INVS: variants seen among roughly 807,000 people sequenced by gnomAD.
INVS encodes the protein inversion of embryo turning homolog.
In INVS, 86 loss-of-function variants were observed where a neutral mutation model predicts 108.8. That is an observed-to-expected ratio of 0.79 (90% CI 0.66 to 0.95). INVS has a LOEUF of 0.95. Among genes scored for constraint, INVS ranks in the 40% least tolerant of loss-of-function variants. The probability of loss-of-function intolerance (pLI) is 0.00; values close to 1 mark genes in which losing one functional copy is unlikely to be tolerated. For missense variants in INVS, 1,169 were observed against 1,297.4 expected, an observed-to-expected ratio of 0.90 and a Z score of 1.52; for synonymous variants, 455 against 473.5, an observed-to-expected ratio of 0.96 and a Z score of 0.51.
chr9:100,251,159 TTTTTG>T (rs956074592), intron 8 of INVS, among the ~76,000 whole-genome samples: 34 of 152,254 alleles, frequency 2.2e-4, no homozygotes, highest in African/African-American at 4.8e-4. Context: ...AATTGTTTTG[TTTTTG>T]TTTTGTTTTG....
rs1833949012 is a variant in INVS, at chr9:100,300,967, A to G, written c.*293A>G. 1 of 384,886 alleles carries G rather than the reference A, an allele frequency of 2.6e-6. No homozygotes were observed. Among genetic ancestry groups the G allele is most frequent in the Non-Finnish European group, 4.8e-6 (1 of 210,120 alleles). The allele number at this position is 384,886 out of a possible 1,614,324, so 23.8% of individuals were successfully genotyped here. A position where few individuals can be genotyped will look rare whatever the true frequency, so the allele number is the denominator to read the frequency against. Reference sequence around the variant, plus strand: ...TCAGTCTGTACAGTTGGAAATGAGAATTCATAATTAACAGCAAAATCTAAG... The same window carrying G: ...TCAGTCTGTACAGTTGGAAATGAGAGTTCATAATTAACAGCAAAATCTAAG... On this transcript the variant is annotated 3_prime_UTR_variant, in exon 17 of 17. Coordinates refer to ENST00000262457, the MANE Select transcript of INVS (RefSeq NM_014425.5).
At chr9:100,257,804 T>C (rs966637821) in intron 10 of INVS, among the ~76,000 whole-genome samples, 11 of 152,240 alleles carry the variant, frequency 7.2e-5, no homozygotes, top group African/African-American at 2.7e-4. Context: ...CTTCCCTTTG[T>C]GGGTAACCCG....
chr9:100,190,279 GT>G (rs1326949898), intron 3 of INVS, among the ~76,000 whole-genome samples: 1 of 151,990 alleles, frequency 6.6e-6, no homozygotes, highest in Non-Finnish European at 1.5e-5. Flanking sequence ...ATCTTTACAT[GT>G]TAAGTGAGTC....
rs556149756 is a variant in INVS at position 100,163,186 on chromosome 9, A to ATTTT, written c.273+36653_273+36656dup. ...TTTACCCTAACTTGATGTTCTTTCT[A>ATTTT]TTTTTTTTTTTTTTTTTTTAGCAAA... On this transcript the variant is annotated intron_variant, in intron 3 of 16. Coordinates refer to ENST00000262457, the MANE Select transcript of INVS (RefSeq NM_014425.5). Among the ~76,000 whole-genome samples the ATTTT allele has an allele frequency of 2.0e-3, 267 of 131,820 alleles. 3 individuals carry two copies. Among genetic ancestry groups the ATTTT allele is most frequent in the African/African-American group, 7.1e-3 (251 of 35,306 alleles). The allele number at this position is 131,820 out of a possible 152,430, so 86.5% of individuals were successfully genotyped here.
intron 10 of INVS, among the ~76,000 whole-genome samples, chr9:100,264,487 G>A (rs549376233): frequency 1.6e-4 from 25 of 151,894 alleles, no homozygotes; most frequent in African/African-American, 4.6e-4. Flanking sequence ...GCATGGCGGC[G>A]GGCACCTGTA....
At chr9:100,106,110 T>G (rs144543123) in intron 2 of INVS, among the ~76,000 whole-genome samples, 220 of 152,262 alleles carry the variant, frequency 1.4e-3, no homozygotes, top group African/African-American at 5.1e-3. Flanking sequence ...TCATTCTCTT[T>G]AATGCAGTAG....
chr9:100,270,529 G>A (rs1832919304), intron 11 of INVS, among the ~76,000 whole-genome samples: 1 of 152,038 alleles, frequency 6.6e-6, no homozygotes, highest in Non-Finnish European at 1.5e-5. Flanking sequence ...CGGATCACCT[G>A]AGGTCAGGAG....
chr9:100,266,117 T>C (rs866561083), intron 11 of INVS, among the ~76,000 whole-genome samples: 1 of 151,950 alleles, frequency 6.6e-6, no homozygotes, highest in African/African-American at 2.4e-5. Flanking sequence ...GTCTAAGGAA[T>C]AGCGATTCTT....
chr9:100,273,143 G>C (rs1217526204), intron 12 of INVS, 67 bp downstream of exon 12: 1 of 1,221,272 alleles, frequency 8.2e-7, no homozygotes, highest in African/African-American at 1.5e-5. Flanking sequence ...GGGTGTGGGG[G>C]GTGCTGGGGT....
chr9:100,161,099 G>GTGTAATCCCAGCACGCC (rs202206162), intron 3 of INVS, among the ~76,000 whole-genome samples: 23 of 151,812 alleles, frequency 1.5e-4, no homozygotes, highest in Admixed American at 6.6e-4. Flanking sequence ...GCTGGGCATG[G>GTGTAATCCCAGCACGCC]TGTAATCCCA....
intron 3 of INVS, among the ~76,000 whole-genome samples, chr9:100,152,237 T>C (rs1025632456): frequency 6.6e-6 from 1 of 151,734 alleles, no homozygotes; most frequent in Admixed American, 6.6e-5. Context: ...TTATTTCCAA[T>C]ATCTAGTAGT....
intron 2 of INVS, among the ~76,000 whole-genome samples, chr9:100,107,564 G>C (rs10988973): frequency 6.6e-6 from 1 of 151,826 alleles, no homozygotes; most frequent in Non-Finnish European, 1.5e-5. Flanking sequence ...TCATCTCAGG[G>C]CTTTTGCCTG....
intron 11 of INVS, among the ~76,000 whole-genome samples, chr9:100,268,895 A>G (rs1238416128): frequency 1.3e-5 from 2 of 152,156 alleles, no homozygotes; most frequent in Non-Finnish European, 2.9e-5. Flanking sequence ...ATTAAGCTAC[A>G]TGTTATTTCC....
intron 3 of INVS, among the ~76,000 whole-genome samples, chr9:100,144,184 A>C (rs1367085221): frequency 1.3e-5 from 2 of 151,976 alleles, no homozygotes; most frequent in East Asian, 3.9e-4. Flanking sequence ...GAGGTTCTGG[A>C]GGAACTCCTG....
intron 2 of INVS, among the ~76,000 whole-genome samples, chr9:100,116,323 G>T (rs540378426): frequency 9.0e-4 from 136 of 151,898 alleles, no homozygotes; most frequent in Non-Finnish European, 1.8e-3. Context: ...TGCCTAGGCT[G>T]GTCTCAAACT....
chr9:100,104,568 C>T lies in INVS; in HGVS notation c.47C>T (p.Ser16Leu), dbSNP rs779997807. 1.9e-6 allele frequency: 3 copies of T among 1,614,138 alleles called. No homozygotes were observed. In the African/African-American group the frequency reaches 4.0e-5, roughly 22 times the overall value. ...NLLFAGSSLA[S>L]QVHAAAVNGD... ...CTGTTTGCTGGTTCATCATTAGCAT[C>T]ACAAGTCCATGCTGCTGCCGTTAAT... The change falls in exon 2 of 17, where the codon TCA becomes TTA. Residue 16 changes from serine to leucine, a missense_variant. Ser to Leu is a moderately radical substitution (Grantham distance 145). Transcript: ENST00000262457.
At chr9:100,270,106 ATTTT>A (rs921053368) in intron 11 of INVS, among the ~76,000 whole-genome samples, 3 of 142,650 alleles carry the variant, frequency 2.1e-5, no homozygotes, top group Admixed American at 1.4e-4. Flanking sequence ...AATTTGGGGG[ATTTT>A]TTTTACTTCA....
intron 16 of INVS, 129 bp from the exon 17 acceptor site, chr9:100,300,439 T>C (rs928105244): frequency 1.0e-5 from 7 of 702,118 alleles, no homozygotes; most frequent in Non-Finnish European, 1.8e-5. Flanking sequence ...ATCCTGCCTC[T>C]ACAGTAAACT....
At chr9:100,117,703 G>T (rs931721561) in intron 2 of INVS, 6 of 578,132 alleles carry the variant, frequency 1.0e-5, no homozygotes, top group African/African-American at 3.8e-5. Context: ...TTAAGTTTAT[G>T]ATACGTTTTG....
Sources: allele counts gnomAD v4.1 joint callset (sites outside exome capture counted in the v4.1 genomes callset), GRCh38; gene constraint gnomAD v4.1.1; transcripts MANE v1.5; gene names NCBI Gene and HGNC (gene_info 2026-07-23, HGNC 2026-07-21).